The following GFM1 variants were observed in gnomAD, a reference collection of about 807,000 sequenced individuals.
GFM1 encodes G elongation factor mitochondrial 1.
A neutral mutation model predicts 96.2 loss-of-function variants in GFM1; 62 were observed. The ratio of observed to expected loss-of-function variants is 0.64; its 90% CI spans 0.53 to 0.80. GFM1 has a LOEUF of 0.80. Among genes scored for constraint, GFM1 ranks in the 30% least tolerant of loss-of-function variants. The pLI, the probability that GFM1 is intolerant of heterozygous loss-of-function variation, is 0.00. For synonymous variants in GFM1, 282 were observed against 312.9 expected, an observed-to-expected ratio of 0.90 and a Z score of 1.04; for missense variants, 852 against 916.6, an observed-to-expected ratio of 0.93 and a Z score of 0.91.
At chr3:158,679,529 T>C (rs1316265954) in intron 13 of GFM1, among the ~76,000 whole-genome samples, 1 of 152,242 alleles carries the variant, frequency 6.6e-6, no homozygotes, top group African/African-American at 2.4e-5. Flanking sequence ...ATTTCTCATC[T>C]TTTCTAGTTA....
chr3:158,676,985 C>G (rs1576778664), intron 13 of GFM1, among the ~76,000 whole-genome samples: 1 of 152,304 alleles, frequency 6.6e-6, no homozygotes, highest in East Asian at 1.9e-4. Flanking sequence ...CAGGCATGAG[C>G]CGCCACGCCC....
chr3:158,646,502 G>A (rs1033809327), intron 3 of GFM1, among the ~76,000 whole-genome samples: 2 of 152,134 alleles, frequency 1.3e-5, no homozygotes, highest in Non-Finnish European at 2.9e-5. Flanking sequence ...TTGTGAGTAG[G>A]CAGATTCTTG....
At chr3:158,672,669 C>T (rs1282125073) in intron 13 of GFM1, 3 of 593,218 alleles carry the variant, frequency 5.1e-6, no homozygotes, top group East Asian at 7.1e-5. Flanking sequence ...TCCCTGCATC[C>T]GAGAGCCCTG....
chr3:158,689,747 CAAAAAAA>C (rs202180927), intron 15 of GFM1, among the ~76,000 whole-genome samples: 3 of 92,268 alleles, frequency 3.3e-5, no homozygotes, highest in East Asian at 3.2e-4. Context: ...GCTTGGGTGA[CAAAAAAA>C]AAAAAAAAAG....
chr3:158,669,679 T>TA (rs1457726646), intron 13 of GFM1: 5 of 1,447,686 alleles, frequency 3.5e-6, no homozygotes, highest in Non-Finnish European at 4.8e-6. Flanking sequence ...ATCTTTGAGA[T>TA]ATGATTTAAA....
intron 13 of GFM1, among the ~76,000 whole-genome samples, chr3:158,675,296 A>C (rs905967667): frequency 9.8e-5 from 14 of 142,646 alleles, no homozygotes; most frequent in Admixed American, 6.8e-4. Flanking sequence ...AAAAAAAAAA[A>C]AAAAAAAAAA....
chr3:158,655,767 T>G (rs575714807), intron 8 of GFM1: 11 of 448,148 alleles, frequency 2.5e-5, no homozygotes, highest in Non-Finnish European at 4.5e-5. Context: ...GATATATTAT[T>G]ATTAACTAAA....
intron 9 of GFM1, chr3:158,660,653 C>G (rs1018839140): frequency 1.8e-6 from 1 of 549,926 alleles, no homozygotes; most frequent in African/African-American, 1.9e-5. Flanking sequence ...AAAGTAAAAT[C>G]TTGTCTATTG....
intron 5 of GFM1, chr3:158,650,394 TAC>T (rs1347256627): frequency 3.9e-6 from 1 of 254,866 alleles, no homozygotes; most frequent in Non-Finnish European, 7.9e-6. Context: ...TTCCCAGAAT[TAC>T]CAAGGCACAT....
intron 5 of GFM1, among the ~76,000 whole-genome samples, chr3:158,651,370 C>T (rs1241729986): frequency 6.6e-6 from 1 of 152,098 alleles, no homozygotes; most frequent in Admixed American, 6.6e-5. Flanking sequence ...CAGATGGGCC[C>T]TAGGCAGGTT....
At chr3:158,676,178 TG>T (rs1724875612) in intron 13 of GFM1, among the ~76,000 whole-genome samples, 1 of 152,108 alleles carries the variant, frequency 6.6e-6, no homozygotes, top group Admixed American at 6.5e-5. Context: ...CTGAGGTGGG[TG>T]GCTCACTTGA....
intron 16 of GFM1, among the ~76,000 whole-genome samples, 174 bp from the exon 17 acceptor site, chr3:158,690,965 G>A (rs1726265203): frequency 6.6e-6 from 1 of 152,220 alleles, no homozygotes; most frequent in Non-Finnish European, 1.5e-5. Context: ...TTTCAAATAG[G>A]ATTTCCACTT....
At chr3:158,664,947 G>A (rs563172841) in intron 11 of GFM1, among the ~76,000 whole-genome samples, 28 of 152,304 alleles carry the variant, frequency 1.8e-4, no homozygotes, top group African/African-American at 6.5e-4. Flanking sequence ...TGGATCTACA[G>A]TAGTGTCTTG....
intron 15 of GFM1, among the ~76,000 whole-genome samples, chr3:158,685,750 G>A (rs9869404): frequency 0.42 from 63,199 of 151,994 alleles, 14,290 homozygotes; most frequent in African/African-American, 0.6. Context: ...TCTGAAGATT[G>A]TGTAAATAGG....
At chr3:158,673,190 T>TA (rs942361539) in intron 13 of GFM1, among the ~76,000 whole-genome samples, 10 of 152,070 alleles carry the variant, frequency 6.6e-5, no homozygotes, top group African/African-American at 2.4e-4. Context: ...TCAGGAGAAA[T>TA]AAAAAAATGC....
chr3:158,676,354 G>A (rs1166697076), intron 13 of GFM1, among the ~76,000 whole-genome samples: 1 of 152,176 alleles, frequency 6.6e-6, no homozygotes, highest in Non-Finnish European at 1.5e-5. Context: ...TTGGTTAAAA[G>A]TGGTGATTAA....
At chr3:158,685,997 T>G (rs1725803441) in intron 15 of GFM1, among the ~76,000 whole-genome samples, 1 of 151,912 alleles carries the variant, frequency 6.6e-6, no homozygotes. Context: ...AGAGGTTACA[T>G]AAAGCCAGAT....
In GFM1 at chr3:158,692,817, A is replaced by G. The variant is rs1336670022; in HGVS notation, c.*1350A>G. ...AGCAATTATCCCATCTCAGCTGCCT[A>G]AGTAGGTGGGACTACAGGTGTGCGC... is the stretch of plus-strand genomic sequence containing the variant. On this transcript the variant is annotated 3_prime_UTR_variant, in exon 18 of 18. Transcript: ENST00000486715. Among the ~76,000 whole-genome samples the G allele has an allele frequency of 6.6e-6, 1 of 151,940 alleles. No individual in the cohort carries two copies. The highest frequency in any genetic ancestry group is 1.5e-5 in the Non-Finnish European group (1 of 67,980).
intron 3 of GFM1, among the ~76,000 whole-genome samples, chr3:158,646,503 C>T (rs959536251): frequency 1.3e-5 from 2 of 152,182 alleles, no homozygotes; most frequent in South Asian, 2.1e-4. Flanking sequence ...TGTGAGTAGG[C>T]AGATTCTTGC....
Sources: allele counts gnomAD v4.1 joint callset (sites outside exome capture counted in the v4.1 genomes callset), GRCh38; gene constraint gnomAD v4.1.1; transcripts MANE v1.5; gene names NCBI Gene and HGNC (gene_info 2026-07-23, HGNC 2026-07-21).